Variants in SAMD4A observed in about 807,000 individuals in gnomAD.
The protein encoded by SAMD4A is sterile alpha motif domain containing 4A, also known as protein Smaug homolog 1.
A neutral mutation model predicts 81.3 loss-of-function variants in SAMD4A; 33 were observed. That is an observed-to-expected ratio of 0.41 (90% CI 0.31 to 0.54). The LOEUF (loss-of-function observed/expected upper bound fraction) is 0.54. Among genes scored for constraint, SAMD4A ranks in the 20% least tolerant of loss-of-function variants. SAMD4A has a pLI of 0.37. For missense variants in SAMD4A, 854 were observed against 951.1 expected (o/e 0.90, Z 1.34); for synonymous variants, 389 against 382.1 (o/e 1.02, Z -0.21).
chr14:54,673,709 G>A (rs1248620454), intron 2 of SAMD4A, among the ~76,000 whole-genome samples: 2 of 152,246 alleles, frequency 1.3e-5, no homozygotes, highest in Non-Finnish European at 2.9e-5. Context: ...CAGCAGCCCA[G>A]CCCCAGCAGG....
At chr14:54,778,241 A>G (rs768997481) in intron 11 of SAMD4A, among the ~76,000 whole-genome samples, 6 of 152,026 alleles carry the variant, frequency 3.9e-5, no homozygotes, top group Non-Finnish European at 7.4e-5. Flanking sequence ...AGCTTTCTCC[A>G]TCTTAACTGG....
chr14:54,610,250 C>A (rs1056061454), intron 2 of SAMD4A, among the ~76,000 whole-genome samples: 1 of 152,080 alleles, frequency 6.6e-6, no homozygotes, highest in Non-Finnish European at 1.5e-5. Flanking sequence ...AACTAAAATG[C>A]GACCAAGTCA....
intron 2 of SAMD4A, among the ~76,000 whole-genome samples, chr14:54,678,608 G>A (rs1340674834): frequency 2.6e-5 from 4 of 151,374 alleles, no homozygotes; most frequent in African/African-American, 9.7e-5. Context: ...GAGTGCAGCG[G>A]CGCGATCACG....
At chr14:54,766,267 G>A (rs898367478) in intron 8 of SAMD4A, among the ~76,000 whole-genome samples, 1 of 152,152 alleles carries the variant, frequency 6.6e-6, no homozygotes, top group Non-Finnish European at 1.5e-5. Flanking sequence ...CAAAGGAAGA[G>A]AAAGCAAGAA....
intron 6 of SAMD4A, among the ~76,000 whole-genome samples, chr14:54,752,115 C>A (rs1417018617): frequency 1.3e-5 from 2 of 152,206 alleles, no homozygotes; most frequent in Non-Finnish European, 2.9e-5. Context: ...CTGATAGGAA[C>A]CATCTCAAAA....
intron 2 of SAMD4A, among the ~76,000 whole-genome samples, chr14:54,607,813 A>G (rs1208152545): frequency 6.6e-6 from 1 of 151,818 alleles, no homozygotes; most frequent in African/African-American, 2.4e-5. Context: ...TTGGTATTTG[A>G]CTATTATATA....
intron 2 of SAMD4A, among the ~76,000 whole-genome samples, chr14:54,654,485 G>T (rs1489818088): frequency 1.3e-5 from 2 of 152,138 alleles, no homozygotes; most frequent in African/African-American, 4.8e-5. Flanking sequence ...AGGATTTTGT[G>T]ATCTAACCAT....
intron 3 of SAMD4A, among the ~76,000 whole-genome samples, chr14:54,732,548 T>G (rs2037583555): frequency 6.6e-6 from 1 of 152,172 alleles, no homozygotes; most frequent in South Asian, 2.1e-4. Flanking sequence ...TTATTAAAAA[T>G]TATGCTTTAA....
At chr14:54,616,751 T>C (rs1293542221) in intron 2 of SAMD4A, among the ~76,000 whole-genome samples, 2 of 152,234 alleles carry the variant, frequency 1.3e-5, no homozygotes, top group Non-Finnish European at 2.9e-5. Flanking sequence ...TTGGACAATT[T>C]AAAGTCTTTT....
intron 2 of SAMD4A, among the ~76,000 whole-genome samples, chr14:54,568,684 T>G (rs2033027137): frequency 9.1e-6 from 1 of 109,970 alleles, no homozygotes; most frequent in Admixed American, 1.2e-4. Context: ...AAAATGACAT[T>G]TGCAGCATAT....
intron 6 of SAMD4A, among the ~76,000 whole-genome samples, chr14:54,755,617 G>A (rs1321931535): frequency 6.6e-6 from 1 of 152,128 alleles, no homozygotes; most frequent in Non-Finnish European, 1.5e-5. Context: ...TCTGAAATTG[G>A]CCCTCAGCAG....
At chr14:54,779,195 G>T (rs1400281219) in intron 11 of SAMD4A, among the ~76,000 whole-genome samples, 1 of 152,150 alleles carries the variant, frequency 6.6e-6, no homozygotes, top group Admixed American at 6.5e-5. Flanking sequence ...GACTTCCCGG[G>T]GCTTGTGGCC....
At chr14:54,755,187 G>A (rs1377881619) in intron 6 of SAMD4A, among the ~76,000 whole-genome samples, 2 of 152,176 alleles carry the variant, frequency 1.3e-5, no homozygotes, top group Non-Finnish European at 2.9e-5. Flanking sequence ...CATTTAGAGG[G>A]AGTCTGGTGA....
In SAMD4A at chr14:54,774,924, G is replaced by A. The variant is rs754294398; in HGVS notation, c.1716-10G>A. 7 of 1,613,878 alleles carry A rather than the reference G, an allele frequency of 4.3e-6. No homozygotes were observed. The highest frequency in any genetic ancestry group is 2.7e-5 in the African/African-American group (2 of 74,872). On this transcript the variant is annotated splice_polypyrimidine_tract_variant and intron_variant, in intron 9 of 12. Transcript: ENST00000554335. The stretch of plus-strand genomic sequence containing the variant: ...CTGATATTCTCTTCCTTCTCTCTTG[G>A]CTCTCACAGTCGAGGCTTTGGGCAA...
intron 2 of SAMD4A, among the ~76,000 whole-genome samples, chr14:54,636,272 T>G (rs901547120): frequency 2.6e-5 from 4 of 152,072 alleles, no homozygotes; most frequent in Non-Finnish European, 4.4e-5. Context: ...TAGGTTGGGA[T>G]GTACGAGGAG....
At chr14:54,761,959 A>G (rs1203105241) in intron 7 of SAMD4A, among the ~76,000 whole-genome samples, 1 of 152,192 alleles carries the variant, frequency 6.6e-6, no homozygotes, top group Non-Finnish European at 1.5e-5. Flanking sequence ...ATAGCTACTC[A>G]ATACCCTGCT....
intron 2 of SAMD4A, among the ~76,000 whole-genome samples, chr14:54,570,643 A>T (rs908004320): frequency 6.6e-6 from 1 of 152,236 alleles, no homozygotes. Context: ...GGGAACCCTC[A>T]ATTGACCTTG....
intron 4 of SAMD4A, among the ~76,000 whole-genome samples, chr14:54,737,759 T>C (rs2037737799): frequency 6.6e-6 from 1 of 152,048 alleles, no homozygotes; most frequent in Non-Finnish European, 1.5e-5. Context: ...GCAGTAGTGC[T>C]TCCTTTCTCT....
intron 2 of SAMD4A, among the ~76,000 whole-genome samples, chr14:54,636,466 G>A (rs925127203): frequency 2.6e-5 from 4 of 152,166 alleles, no homozygotes; most frequent in African/African-American, 9.7e-5. Flanking sequence ...GAGCAGAAAA[G>A]TGGCATGCTC....
Sources: allele counts gnomAD v4.1 joint callset (sites outside exome capture counted in the v4.1 genomes callset), GRCh38; gene constraint gnomAD v4.1.1; transcripts MANE v1.5; gene names NCBI Gene and HGNC (gene_info 2026-07-23, HGNC 2026-07-21).